The following CDH12 variants were observed in gnomAD, a reference collection of about 807,000 sequenced individuals.
CDH12 encodes cadherin-12.
In CDH12, 41 loss-of-function variants were observed where a neutral mutation model predicts 74.1. That is an observed-to-expected ratio of 0.55 (90% CI 0.43 to 0.72). The LOEUF (loss-of-function observed/expected upper bound fraction) is 0.72. CDH12 is among the 30% of genes least tolerant of loss of function. CDH12 has a pLI of 0.00. For missense variants in CDH12, 945 were observed against 977.2 expected, an observed-to-expected ratio of 0.97 and a Z score of 0.44; for synonymous variants, 399 against 355.0, an observed-to-expected ratio of 1.12 and a Z score of -1.39.
chr5:22,125,827 A>G (rs1454570425), intron 4 of CDH12, among the ~76,000 whole-genome samples: 2 of 152,198 alleles, frequency 1.3e-5, no homozygotes, highest in Non-Finnish European at 2.9e-5. Flanking sequence ...TGCCAAAGCA[A>G]GATATCTGAT....
intron 1 of CDH12, among the ~76,000 whole-genome samples, chr5:22,851,829 T>C (rs1476289455): frequency 6.6e-6 from 1 of 152,180 alleles, no homozygotes; most frequent in East Asian, 1.9e-4. Context: ...AATAAAAATA[T>C]ATAAGATGAT....
chr5:22,349,593 A>T (rs950139059), intron 3 of CDH12, among the ~76,000 whole-genome samples: 2 of 152,224 alleles, frequency 1.3e-5, no homozygotes, highest in African/African-American at 4.8e-5. Context: ...TTTCCAATAC[A>T]TTCCTGTATT....
rs554654463 is a variant in CDH12 at position 22,085,170 on chromosome 5, G to A, written c.-186-6308C>T. 5.0e-5 allele frequency among the ~76,000 whole-genome samples: 7 copies of A among 139,110 alleles called. No homozygotes were observed. In the East Asian group the frequency reaches 1.2e-3, roughly 24 times the overall value. 91.3% of individuals were successfully genotyped at this position (139,110 alleles called of 152,430 possible). The stretch of plus-strand genomic sequence containing the variant: ...TGGAGCCCAACATCCCTTTTAGCAG[G>A]AGGGATTTTTTTTTTTAAATGGTCA... On this transcript the variant is annotated intron_variant, in intron 4 of 14. Transcript: ENST00000382254.
chr5:21,994,362 T>C (rs1354573945), intron 5 of CDH12, among the ~76,000 whole-genome samples: 1 of 152,132 alleles, frequency 6.6e-6, no homozygotes, highest in East Asian at 1.9e-4. Context: ...ACAAGTATTC[T>C]TGACTTTTCC....
At chr5:22,678,637 G>A (rs1400485940) in intron 1 of CDH12, among the ~76,000 whole-genome samples, 1 of 152,026 alleles carries the variant, frequency 6.6e-6, no homozygotes, top group Non-Finnish European at 1.5e-5. Flanking sequence ...GTAATAGAAG[G>A]CAGTAATCTA....
At chr5:21,877,619 T>C (rs1325600192) in intron 6 of CDH12, among the ~76,000 whole-genome samples, 1 of 152,228 alleles carries the variant, frequency 6.6e-6, no homozygotes, top group Non-Finnish European at 1.5e-5. Context: ...ATAGTTACAA[T>C]ATCGATATCC....
At chr5:22,687,421 T>G (rs1168296666) in intron 1 of CDH12, among the ~76,000 whole-genome samples, 1 of 152,194 alleles carries the variant, frequency 6.6e-6, no homozygotes, top group Non-Finnish European at 1.5e-5. Flanking sequence ...TGTTTTGTTT[T>G]TTTTGAGACA....
chr5:22,513,985 G>A (rs866518796), intron 1 of CDH12, among the ~76,000 whole-genome samples: 11 of 147,670 alleles, frequency 7.4e-5, no homozygotes, highest in African/African-American at 2.2e-4. Flanking sequence ...AACACATTAC[G>A]AAAAATAATG....
At chr5:22,363,902 T>A (rs1740924464) in intron 3 of CDH12, among the ~76,000 whole-genome samples, 1 of 152,224 alleles carries the variant, frequency 6.6e-6, no homozygotes, top group East Asian at 1.9e-4. Flanking sequence ...CTTAGTAACG[T>A]GATATTCTGC....
chr5:22,002,896 T>G (rs1736684723), intron 5 of CDH12, among the ~76,000 whole-genome samples: 2 of 152,124 alleles, frequency 1.3e-5, no homozygotes, highest in African/African-American at 4.8e-5. Flanking sequence ...GATATAAATA[T>G]AAATACTTTC....
At chr5:21,827,747 G>A (rs569458227) in intron 8 of CDH12, among the ~76,000 whole-genome samples, 4 of 152,066 alleles carry the variant, frequency 2.6e-5, no homozygotes, top group African/African-American at 9.6e-5. Context: ...AAAAATTGGG[G>A]TTTCTGATTC....
chr5:22,119,199 T>C (rs1046220496), intron 4 of CDH12, among the ~76,000 whole-genome samples: 1 of 151,892 alleles, frequency 6.6e-6, no homozygotes, highest in African/African-American at 2.4e-5. Context: ...TATAAAGTTG[T>C]GAACACTGGC....
At chr5:22,255,024 C>T (rs973513871) in intron 3 of CDH12, among the ~76,000 whole-genome samples, 7 of 151,870 alleles carry the variant, frequency 4.6e-5, no homozygotes, top group South Asian at 2.1e-4. Context: ...ATTCTTTCCT[C>T]TTTATCTGCA....
At chr5:22,058,105 G>A (rs1370008967) in intron 5 of CDH12, among the ~76,000 whole-genome samples, 1 of 151,846 alleles carries the variant, frequency 6.6e-6, no homozygotes, top group Non-Finnish European at 1.5e-5. Flanking sequence ...CGCCCAGGCT[G>A]GAGTGCAGTG....
intron 3 of CDH12, among the ~76,000 whole-genome samples, chr5:22,289,302 T>G (rs1737284034): frequency 6.6e-6 from 1 of 152,084 alleles, no homozygotes; most frequent in Admixed American, 6.5e-5. Flanking sequence ...AGTAAAGAAA[T>G]ACTGCCAATC....
chr5:22,831,177 T>C (rs1017800647), intron 1 of CDH12, among the ~76,000 whole-genome samples: 1 of 151,986 alleles, frequency 6.6e-6, no homozygotes, highest in African/African-American at 2.4e-5. Context: ...AGCAGAGAAA[T>C]ATATATTTCT....
intron 1 of CDH12, among the ~76,000 whole-genome samples, chr5:22,553,281 G>A (rs1738654164): frequency 6.6e-6 from 1 of 152,090 alleles, no homozygotes; most frequent in Non-Finnish European, 1.5e-5. Context: ...ATTTCAAAGA[G>A]TAAATATATT....
chr5:22,254,125 G>C lies in CDH12; in HGVS notation c.-332-41482C>G, dbSNP rs192777448. Reference sequence around the variant, plus strand: ...TGCTAGAGCATTTTGTTGTCCCTTTGCTCTTTAATGTAACCTGATAGTGCT... The same window carrying C: ...TGCTAGAGCATTTTGTTGTCCCTTTCCTCTTTAATGTAACCTGATAGTGCT... On this transcript the variant is annotated intron_variant, in intron 3 of 14. Transcript: ENST00000382254. 2.4e-4 allele frequency among the ~76,000 whole-genome samples: 37 copies of C among 151,814 alleles called. No homozygotes were observed. The East Asian group carries it at 3.5e-3, about 14-fold the overall frequency.
chr5:22,287,344 A>AAGTTTAAATTTGATAATATAAATGTC (rs1737184025), intron 3 of CDH12, among the ~76,000 whole-genome samples: 1 of 152,180 alleles, frequency 6.6e-6, no homozygotes, highest in African/African-American at 2.4e-5. Context: ...GCTCAGAAAG[A>AAGTTTAAATTTGATAATATAAATGTC]AGTTTAAATT....
Sources: gnomAD v4.1 joint callset for allele counts (sites outside exome capture counted in the v4.1 genomes callset) on GRCh38, gnomAD v4.1.1 for gene constraint, MANE v1.5 for transcripts, NCBI Gene and HGNC (gene_info 2026-07-23, HGNC 2026-07-21) for gene names.